ANK2: variants seen among roughly 807,000 people sequenced by gnomAD.
ANK2 encodes ankyrin-2.
In ANK2, 83 loss-of-function variants were observed where a neutral mutation model predicts 360.5. The ratio of observed to expected loss-of-function variants is 0.23; its 90% CI spans 0.19 to 0.28. ANK2 has a LOEUF of 0.28. Ranked by LOEUF, ANK2 falls within the 10% of genes least tolerant of loss-of-function variation. The pLI, the probability that ANK2 is intolerant of heterozygous loss-of-function variation, is 1.00. For synonymous variants in ANK2, 1,740 were observed against 1,759.5 expected (o/e 0.99, Z 0.28); for missense variants, 4,201 against 4,795.7 (o/e 0.88, Z 3.66).
chr4:113,350,080 G>GA, intron 36 of ANK2, 148 bp from the exon 37 acceptor site: 3 of 673,676 alleles, frequency 4.5e-6, no homozygotes, highest in Non-Finnish European at 7.5e-6. Context: ...AGACTCTCAG[G>GA]AAAAAATGTA....
At position 113,323,765 on chromosome 4, in the gene ANK2, C is replaced by T. The variant is rs183343208; in HGVS notation, c.2900+5145C>T. ...AGTATCTATTCTGTTGCAGCCGCGC[C>T]TCTCCATGTCTTGAACGTGACAACA... On this transcript the variant is annotated intron_variant, in intron 26 of 45. Transcript: ENST00000357077. 11 of 1,611,792 alleles carry T rather than the reference C, an allele frequency of 6.8e-6. No homozygotes were observed. In the East Asian group the frequency reaches 1.1e-4, roughly 16 times the overall value.
Position 113,049,819 on chromosome 4 carries a change from C to G in ANK2, c.84+7C>G. 6.2e-7 allele frequency: 1 copy of G among 1,613,410 alleles called. No homozygotes were observed. The highest frequency in any genetic ancestry group is 8.5e-7 in the Non-Finnish European group (1 of 1,179,620). On this transcript the variant is annotated splice_region_variant and intron_variant, in intron 1 of 45. Coordinates refer to ENST00000357077, the MANE Select transcript of ANK2 (RefSeq NM_001148.6). ...GAGAAAAAGACCCAAGAAGGTAAAT[C>G]GCCGGAATTAGGAATGTCTGTGTAT...
the ANK2 span, among the ~76,000 whole-genome samples, chr4:112,737,992 C>A: frequency 2.0e-5 from 3 of 152,180 alleles, no homozygotes; most frequent in Non-Finnish European, 1.5e-5. Flanking sequence ...CCATACCATT[C>A]ATCTAACATA....
rs145099857 is a variant in ANK2 at position 112,910,035 on chromosome 4, GCAAA to G, written c.21+5526_21+5529del. Reference sequence around the variant, plus strand: ...CCATATTCTTTAGTGTTAAAATTTTGCAAACAAATAAATAATAGAATAAGCATAA... The same window carrying G: ...CCATATTCTTTAGTGTTAAAATTTTGCAAATAAATAATAGAATAAGCATAA... On this transcript the variant is annotated intron_variant, in intron 2 of 30. Transcript: ENST00000503271. Among the ~76,000 whole-genome samples, 59 of 152,184 alleles carry G rather than the reference GCAAA, an allele frequency of 3.9e-4. 1 individual carries two copies. The East Asian group carries it at 0.011, about 28-fold the overall frequency.
intron 2 of ANK2, among the ~76,000 whole-genome samples, chr4:113,006,347 G>A (rs2052845796): frequency 6.6e-6 from 1 of 152,090 alleles, no homozygotes; most frequent in Non-Finnish European, 1.5e-5. Context: ...AAAGACTGAT[G>A]AGCCAATAAA....
rs73841966 is a variant in ANK2, at chr4:113,336,908, T to G, written c.3796+127T>G. The G allele has an allele frequency of 6.4e-3, 5,761 of 901,656 alleles. 219 individuals carry two copies. In the African/African-American group the frequency reaches 0.077, roughly 12 times the overall value. The allele number at this position is 901,656 out of a possible 1,614,324, so 55.9% of individuals were successfully genotyped here. A position where few individuals can be genotyped will look rare whatever the true frequency, so the allele number is the denominator to read the frequency against. On this transcript the variant is annotated intron_variant, in intron 31 of 45. Transcript: ENST00000357077. Reference sequence around the variant, plus strand: ...ATGCATTAATTCAGGGAATACATTTTAATTAACTAGGGAAATGAAAGGTGA... The same window carrying G: ...ATGCATTAATTCAGGGAATACATTTGAATTAACTAGGGAAATGAAAGGTGA...
the ANK2 span, among the ~76,000 whole-genome samples, chr4:112,770,101 A>G: frequency 5.9e-5 from 9 of 152,290 alleles, no homozygotes; most frequent in East Asian, 1.2e-3. Context: ...CCTGACTAAT[A>G]CAGCTCTCCT....
intron 32 of ANK2, among the ~76,000 whole-genome samples, chr4:113,340,153 T>G (rs1264592328): frequency 6.6e-6 from 1 of 152,212 alleles, no homozygotes; most frequent in Non-Finnish European, 1.5e-5. Flanking sequence ...GCATCTATAC[T>G]GTAATCCAGA....
chr4:112,775,132 A>G, the ANK2 span, among the ~76,000 whole-genome samples: 12 of 152,162 alleles, frequency 7.9e-5, no homozygotes, highest in Admixed American at 7.9e-4. Flanking sequence ...GAAAGAAAAA[A>G]GAGAGTAGGG....
At chr4:112,898,378 T>C (rs574970035) in intron 1 of ANK2, among the ~76,000 whole-genome samples, 38 of 152,312 alleles carry the variant, frequency 2.5e-4, no homozygotes, top group Middle Eastern at 3.4e-3. Context: ...TTTTATGCTC[T>C]TGACAATTTT....
intron 27 of ANK2, among the ~76,000 whole-genome samples, chr4:113,331,368 A>G (rs2153931964): frequency 6.6e-6 from 1 of 152,322 alleles, no homozygotes; most frequent in East Asian, 1.9e-4. Flanking sequence ...AACTATTAGC[A>G]GATTGCTCCA....
intron 13 of ANK2, among the ~76,000 whole-genome samples, chr4:113,264,464 CAA>C (rs1407873566): frequency 2.0e-5 from 3 of 152,018 alleles, no homozygotes; most frequent in African/African-American, 7.3e-5. Context: ...TGAAACAACT[CAA>C]GAGTATCCTG....
intron 2 of ANK2, among the ~76,000 whole-genome samples, chr4:113,040,327 G>A (rs2062651297): frequency 6.6e-6 from 1 of 152,066 alleles, no homozygotes; most frequent in Admixed American, 6.6e-5. Context: ...TTTAATATTT[G>A]TCTCAGGTGA....
intron 1 of ANK2, among the ~76,000 whole-genome samples, chr4:112,832,916 A>G (rs1187268391): frequency 6.6e-6 from 1 of 152,228 alleles, no homozygotes; most frequent in East Asian, 1.9e-4. Context: ...AATTGTTTGA[A>G]ATTTAAGTTG....
chr4:112,803,534 C>T, the ANK2 span, among the ~76,000 whole-genome samples: 2 of 152,114 alleles, frequency 1.3e-5, no homozygotes, highest in Admixed American at 6.6e-5. Flanking sequence ...CTGGAAGAGG[C>T]AGGAGCAGAT....
the ANK2 span, chr4:112,788,900 G>GT: frequency 2.3e-5 from 15 of 664,574 alleles, no homozygotes; most frequent in Non-Finnish European, 3.4e-5. Context: ...GGAGGAGAGA[G>GT]TTTTTTTAAT....
intron 1 of ANK2, among the ~76,000 whole-genome samples, chr4:112,865,395 A>T (rs367729514): frequency 8.1e-4 from 124 of 152,304 alleles, no homozygotes; most frequent in African/African-American, 2.9e-3. Flanking sequence ...TCTCAATGAT[A>T]ATGTTTATGG....
At chr4:112,867,868 T>A (rs1041431297) in intron 1 of ANK2, among the ~76,000 whole-genome samples, 2 of 152,218 alleles carry the variant, frequency 1.3e-5, no homozygotes, top group Non-Finnish European at 2.9e-5. Context: ...AATATTTGTG[T>A]ACAAATTTTC....
chr4:112,882,359 C>G (rs1244489348), intron 1 of ANK2: 1 of 152,210 alleles, frequency 6.6e-6, no homozygotes, highest in Non-Finnish European at 1.5e-5. Flanking sequence ...AAGCCAGATA[C>G]TCGGGAGGCT....
Sources: gnomAD v4.1 joint callset for allele counts (sites outside exome capture counted in the v4.1 genomes callset) on GRCh38, gnomAD v4.1.1 for gene constraint, MANE v1.5 for transcripts, NCBI Gene and HGNC (gene_info 2026-07-23, HGNC 2026-07-21) for gene names.